ITGBL1: variants seen among roughly 807,000 people sequenced by gnomAD.
ITGBL1 encodes integrin beta-like protein 1.
Under a neutral mutation model 68.5 loss-of-function variants are expected in ITGBL1, and 51 were observed. The ratio of observed to expected loss-of-function variants is 0.74; its 90% CI spans 0.59 to 0.94. The LOEUF is 0.94. Among genes scored for constraint, ITGBL1 ranks in the 40% least tolerant of loss-of-function variants. ITGBL1 has a pLI of 0.00. For synonymous variants in ITGBL1, 209 were observed against 227.3 expected, an observed-to-expected ratio of 0.92 and a Z score of 0.72; for missense variants, 649 against 647.4, an observed-to-expected ratio of 1.00 and a Z score of -0.03.
intron 2 of ITGBL1, among the ~76,000 whole-genome samples, chr13:101,511,739 C>T (rs1014347204): frequency 6.6e-5 from 10 of 152,178 alleles, no homozygotes; most frequent in Non-Finnish European, 1.0e-4. Context: ...AAGTCTACCC[C>T]GTTCAAGTCT....
intron 4 of ITGBL1, among the ~76,000 whole-genome samples, chr13:101,575,877 G>C (rs777261776): frequency 6.6e-6 from 1 of 152,036 alleles, no homozygotes. Flanking sequence ...ACTCTCTTAA[G>C]TGTACATTTT....
chr13:101,712,122 T>G (rs1410879654), intron 9 of ITGBL1: 1 of 152,208 alleles, frequency 6.6e-6, no homozygotes, highest in Non-Finnish European at 1.5e-5. Flanking sequence ...TAATAACTAT[T>G]CACACTGTGT....
chr13:101,526,687 A>G (rs866375542), intron 2 of ITGBL1, among the ~76,000 whole-genome samples: 19 of 119,724 alleles, frequency 1.6e-4, no homozygotes, highest in African/African-American at 4.9e-4. Context: ...GTGTGTGTGT[A>G]TGTAAGAAAA....
chr13:101,664,887 C>A (rs1390194962), intron 7 of ITGBL1, among the ~76,000 whole-genome samples: 3 of 152,222 alleles, frequency 2.0e-5, no homozygotes, highest in Non-Finnish European at 4.4e-5. Flanking sequence ...GCACCCACCA[C>A]CACACTCAGC....
At chr13:101,683,007 A>G (rs555126809) in intron 7 of ITGBL1, among the ~76,000 whole-genome samples, 11 of 152,226 alleles carry the variant, frequency 7.2e-5, no homozygotes, top group Admixed American at 5.9e-4. Context: ...GGAAATGAAT[A>G]TTTTTGAAAC....
intron 3 of ITGBL1, among the ~76,000 whole-genome samples, chr13:101,571,843 T>C (rs1163663040): frequency 6.6e-6 from 1 of 152,172 alleles, no homozygotes; most frequent in Non-Finnish European, 1.5e-5. Context: ...CTTCTCTTTA[T>C]TTTTTCAAAA....
chr13:101,464,149 T>C (rs1230264653), intron 2 of ITGBL1, among the ~76,000 whole-genome samples: 1 of 152,168 alleles, frequency 6.6e-6, no homozygotes, highest in East Asian at 1.9e-4. Context: ...TCCACCCGCC[T>C]CAGCCTCCCA....
At chr13:101,671,614 A>G (rs1420912015) in intron 7 of ITGBL1, among the ~76,000 whole-genome samples, 2 of 149,600 alleles carry the variant, frequency 1.3e-5, no homozygotes, top group African/African-American at 4.9e-5. Context: ...AATTTTTTGT[A>G]TTTTTAGTAG....
chr13:101,611,040 A>C (rs1279893838), intron 7 of ITGBL1, among the ~76,000 whole-genome samples: 1 of 152,154 alleles, frequency 6.6e-6, no homozygotes, highest in African/African-American at 2.4e-5. Context: ...AAGCATACTC[A>C]CTTGTGATGA....
intron 2 of ITGBL1, among the ~76,000 whole-genome samples, chr13:101,526,578 C>A (rs1012453042): frequency 6.6e-6 from 1 of 151,722 alleles, no homozygotes; most frequent in Non-Finnish European, 1.5e-5. Flanking sequence ...CAAACTAACA[C>A]AGGAATAGAA....
intron 7 of ITGBL1, among the ~76,000 whole-genome samples, chr13:101,630,634 A>G (rs572255001): frequency 5.3e-5 from 8 of 152,216 alleles, no homozygotes; most frequent in Non-Finnish European, 1.0e-4. Flanking sequence ...ATCTATCATC[A>G]TCTTCCAGTG....
chr13:101,520,065 G>A (rs1033612474), intron 2 of ITGBL1, among the ~76,000 whole-genome samples: 2 of 152,114 alleles, frequency 1.3e-5, no homozygotes, highest in Non-Finnish European at 2.9e-5. Context: ...TGTGTTACTA[G>A]TAATAAAACG....
rs2049409655 is a variant in ITGBL1, at chr13:101,528,050, T to A, written c.317-39649T>A. ...TCCAATTTGTAGATTATTTTTTCTT[T>A]AATGGCTCATATGTTTTGTTTGCTA... On this transcript the variant is annotated intron_variant, in intron 2 of 10. Coordinates refer to ENST00000376180, the MANE Select transcript of ITGBL1 (RefSeq NM_004791.3). Among the ~76,000 whole-genome samples, 3 of 152,002 alleles carry A rather than the reference T, an allele frequency of 2.0e-5. No individual in the cohort carries two copies. The South Asian group carries it at 6.2e-4, about 31-fold the overall frequency.
At chr13:101,593,842 A>G (rs2050698422) in intron 6 of ITGBL1, among the ~76,000 whole-genome samples, 1 of 152,052 alleles carries the variant, frequency 6.6e-6, no homozygotes, top group Admixed American at 6.6e-5. Flanking sequence ...CTTCTATTAT[A>G]CAGTAGGTTG....
chr13:101,652,308 A>ATT (rs34531464), intron 7 of ITGBL1, among the ~76,000 whole-genome samples: 2 of 151,764 alleles, frequency 1.3e-5, no homozygotes, highest in Admixed American at 1.3e-4. Context: ...CACCTAGTTA[A>ATT]TTTTTTTTAC....
intron 5 of ITGBL1, among the ~76,000 whole-genome samples, chr13:101,580,817 C>G (rs979545181): frequency 6.6e-6 from 1 of 152,162 alleles, no homozygotes; most frequent in Non-Finnish European, 1.5e-5. Flanking sequence ...AGCAGAGTTA[C>G]ATTGGCTGTG....
At chr13:101,585,477 C>T (rs763917253) in intron 6 of ITGBL1, among the ~76,000 whole-genome samples, 1 of 152,164 alleles carries the variant, frequency 6.6e-6, no homozygotes, top group Non-Finnish European at 1.5e-5. Flanking sequence ...GTTGCCCAGG[C>T]TGGAGTGCAG....
chr13:101,470,819 A>G (rs1368971876), intron 2 of ITGBL1, among the ~76,000 whole-genome samples: 2 of 152,206 alleles, frequency 1.3e-5, no homozygotes, highest in Non-Finnish European at 1.5e-5. Flanking sequence ...CTTATTCTTA[A>G]TTTGAAATAA....
chr13:101,593,244 TATA>T (rs1006871239), intron 6 of ITGBL1, among the ~76,000 whole-genome samples: 3 of 114,646 alleles, frequency 2.6e-5, no homozygotes, highest in Non-Finnish European at 3.8e-5. Context: ...ATTATAGAAT[TATA>T]ATAAAAAAAG....
Sources: allele counts gnomAD v4.1 joint callset (sites outside exome capture counted in the v4.1 genomes callset), GRCh38; gene constraint gnomAD v4.1.1; transcripts MANE v1.5; gene names NCBI Gene and HGNC (gene_info 2026-07-23, HGNC 2026-07-21).